Variants in EXOC4 observed in about 807,000 individuals in gnomAD.
The protein encoded by EXOC4 is SEC8-like 1.
In EXOC4, 71 loss-of-function variants were observed where a neutral mutation model predicts 107.2. The observed-to-expected ratio is 0.66, with a 90% CI of 0.55 to 0.81. EXOC4 has a LOEUF of 0.81. Ranked by LOEUF, EXOC4 falls within the 30% of genes least tolerant of loss-of-function variation. The probability of loss-of-function intolerance (pLI) is 0.00; values close to 1 mark genes in which losing one functional copy is unlikely to be tolerated. For missense variants in EXOC4, 1,108 were observed against 1,189.6 expected (o/e 0.93, Z 1.01); for synonymous variants, 456 against 441.2 (o/e 1.03, Z -0.42).
chr7:133,295,580 T>C (rs532585640), intron 3 of EXOC4, among the ~76,000 whole-genome samples: 2 of 152,112 alleles, frequency 1.3e-5, no homozygotes, highest in Non-Finnish European at 2.9e-5. Context: ...CGTCAGAACA[T>C]TTTAGTGTTA....
chr7:133,686,440 G>T (rs76152286), intron 10 of EXOC4, among the ~76,000 whole-genome samples: 2 of 152,076 alleles, frequency 1.3e-5, no homozygotes, highest in Non-Finnish European at 2.9e-5. Context: ...GATAAACACA[G>T]CAATTGATGC....
intron 12 of EXOC4, among the ~76,000 whole-genome samples, chr7:133,896,751 C>T (rs192289127): frequency 0.013 from 1,863 of 147,784 alleles, 48 homozygotes; most frequent in African/African-American, 0.045. Context: ...CTGCAACCTC[C>T]GCCTCCCAGG....
chr7:133,830,125 C>T (rs1328341370), intron 11 of EXOC4, among the ~76,000 whole-genome samples: 1 of 152,188 alleles, frequency 6.6e-6, no homozygotes, highest in Non-Finnish European at 1.5e-5. Flanking sequence ...TATTCTCTAC[C>T]TCTCCTCACT....
intron 10 of EXOC4, among the ~76,000 whole-genome samples, chr7:133,674,524 T>A (rs1794014491): frequency 6.6e-6 from 1 of 152,222 alleles, no homozygotes; most frequent in Admixed American, 6.5e-5. Flanking sequence ...ATGATTCACT[T>A]ATATGCCAAT....
chr7:133,970,289 G>C (rs1801174005), intron 14 of EXOC4, among the ~76,000 whole-genome samples: 1 of 152,066 alleles, frequency 6.6e-6, no homozygotes, highest in African/African-American at 2.4e-5. Flanking sequence ...GCTCCGTGGG[G>C]GTGGGATCCG....
At chr7:133,935,535 C>T (rs1007501835) in intron 13 of EXOC4, among the ~76,000 whole-genome samples, 15 of 152,118 alleles carry the variant, frequency 9.9e-5, no homozygotes, top group African/African-American at 3.6e-4. Context: ...CTGTAAGACG[C>T]TGTGGTTGGT....
intron 7 of EXOC4, among the ~76,000 whole-genome samples, chr7:133,419,964 CTTTT>C (rs60203961): frequency 7.4e-6 from 1 of 134,484 alleles, no homozygotes; most frequent in African/African-American, 2.7e-5. Context: ...TCTGCTTCTT[CTTTT>C]TTTTTTTTTT....
intron 4 of EXOC4, among the ~76,000 whole-genome samples, chr7:133,311,087 A>G (rs1314420802): frequency 6.6e-6 from 1 of 152,232 alleles, no homozygotes; most frequent in Admixed American, 6.5e-5. Context: ...ACTTGGAGGA[A>G]ATGAAACAAA....
intron 11 of EXOC4, among the ~76,000 whole-genome samples, chr7:133,840,378 G>T (rs1160893314): frequency 6.6e-6 from 1 of 152,136 alleles, no homozygotes; most frequent in Non-Finnish European, 1.5e-5. Context: ...ATAAAGGATA[G>T]CAACAACAAC....
Position 134,013,054 on chromosome 7 carries a change from C to T in EXOC4, c.2687+5219C>T, listed in dbSNP as rs560499909. On this transcript the variant is annotated intron_variant, in intron 17 of 17. Transcript: ENST00000253861. ...ACAACTTACCTAAAGTAGGAATACGCTTCAAATGTATATATTTGGGAATAA... is the reference window on the plus strand; with the variant it reads ...ACAACTTACCTAAAGTAGGAATACGTTTCAAATGTATATATTTGGGAATAA... Among the ~76,000 whole-genome samples the T allele has an allele frequency of 3.9e-5, 6 of 152,276 alleles. No individual in the cohort carries two copies. In the East Asian group the frequency reaches 1.2e-3, roughly 29 times the overall value.
chr7:133,286,077 T>A (rs1794270816), intron 2 of EXOC4, among the ~76,000 whole-genome samples: 1 of 152,126 alleles, frequency 6.6e-6, no homozygotes, highest in Admixed American at 6.5e-5. Flanking sequence ...AAAAAAATTA[T>A]TTAATTATTT....
chr7:133,978,970 C>A (rs1234771840), intron 14 of EXOC4, among the ~76,000 whole-genome samples: 3 of 152,142 alleles, frequency 2.0e-5, no homozygotes, highest in Non-Finnish European at 2.9e-5. Flanking sequence ...GGGTATGTTC[C>A]CATTTCACTC....
At chr7:133,367,755 G>A (rs1411963925) in intron 6 of EXOC4, among the ~76,000 whole-genome samples, 1 of 152,160 alleles carries the variant, frequency 6.6e-6, no homozygotes, top group Non-Finnish European at 1.5e-5. Flanking sequence ...TTATAGGGCT[G>A]CCCTAAGGAT....
At chr7:133,593,108 A>G (rs1419740592) in intron 9 of EXOC4, among the ~76,000 whole-genome samples, 1 of 152,216 alleles carries the variant, frequency 6.6e-6, no homozygotes, top group Admixed American at 6.5e-5. Flanking sequence ...TTTTGGTGTC[A>G]GTATTTCTTG....
intron 17 of EXOC4, among the ~76,000 whole-genome samples, chr7:134,008,774 G>T (rs1170676580): frequency 6.8e-6 from 1 of 147,532 alleles, no homozygotes; most frequent in East Asian, 2.0e-4. Flanking sequence ...GACTAAAGGC[G>T]AACACCACCA....
chr7:133,688,519 T>C (rs556494622), intron 10 of EXOC4, among the ~76,000 whole-genome samples: 1 of 152,312 alleles, frequency 6.6e-6, no homozygotes, highest in East Asian at 1.9e-4. Context: ...TGCCCAATTA[T>C]ATTAGTCATT....
At chr7:133,698,455 G>A (rs1794585831) in intron 10 of EXOC4, among the ~76,000 whole-genome samples, 1 of 151,860 alleles carries the variant, frequency 6.6e-6, no homozygotes, top group South Asian at 2.1e-4. Context: ...AGTGGCGCCC[G>A]CCTTTAGTCC....
intron 7 of EXOC4, among the ~76,000 whole-genome samples, chr7:133,385,372 T>C (rs1297504797): frequency 2.0e-5 from 3 of 152,200 alleles, no homozygotes; most frequent in Non-Finnish European, 2.9e-5. Flanking sequence ...CATGAAGTCA[T>C]TGTCTTTGGG....
At chr7:134,020,934 C>T (rs1795014285) in intron 17 of EXOC4, among the ~76,000 whole-genome samples, 3 of 150,940 alleles carry the variant, frequency 2.0e-5, no homozygotes, top group Admixed American at 2.0e-4. Flanking sequence ...TGCAGTGAGC[C>T]GAGATTGCAC....
Sources: allele counts gnomAD v4.1 joint callset (sites outside exome capture counted in the v4.1 genomes callset), GRCh38; gene constraint gnomAD v4.1.1; transcripts MANE v1.5; gene names NCBI Gene and HGNC (gene_info 2026-07-23, HGNC 2026-07-21).